The following NDE1 variants were observed in gnomAD, a reference collection of about 807,000 sequenced individuals.
The protein encoded by NDE1 is nudE neurodevelopment protein 1.
In NDE1, 28 loss-of-function variants were observed where a neutral mutation model predicts 43.4. The observed-to-expected ratio is 0.65, with a 90% CI of 0.48 to 0.89. The LOEUF (loss-of-function observed/expected upper bound fraction) is 0.89. NDE1 is among the 40% of genes least tolerant of loss of function. The pLI is 0.00. For missense variants in NDE1, 441 were observed against 434.1 expected, an observed-to-expected ratio of 1.02 and a Z score of -0.14; for synonymous variants, 184 against 172.0, an observed-to-expected ratio of 1.07 and a Z score of -0.55.
chr16:15,671,060 G>T (rs999750634), intron 3 of NDE1, among the ~76,000 whole-genome samples: 1 of 152,098 alleles, frequency 6.6e-6, no homozygotes, highest in South Asian at 2.1e-4. Flanking sequence ...CCCCATGAAC[G>T]TTTTCCAGCA....
chr16:15,695,405 G>A (rs562876689), intron 7 of NDE1: 44 of 742,992 alleles, frequency 5.9e-5, no homozygotes, highest in Non-Finnish European at 7.1e-5. Context: ...CTACTTGAGA[G>A]GCTTATGCAG....
At position 15,691,464 on chromosome 16, in the gene NDE1, TG is replaced by T. The variant is rs1443380622; in HGVS notation, c.703+144del. The T allele has an allele frequency of 5.1e-6, 5 of 974,252 alleles. No homozygotes were observed. The East Asian group carries it at 1.3e-4, about 25-fold the overall frequency. The allele number at this position is 974,252 out of a possible 1,614,324, so 60.4% of individuals were successfully genotyped here. A position where few individuals can be genotyped will look rare whatever the true frequency, so the allele number is the denominator to read the frequency against. ...CTCAGGCTTTGAGCAGAGAGTAGACTGGGATGTTCTTGGGGATGGGCATTGA... is the reference window on the plus strand; with the variant it reads ...CTCAGGCTTTGAGCAGAGAGTAGACTGGATGTTCTTGGGGATGGGCATTGA... On this transcript the variant is annotated intron_variant, in intron 6 of 8. Coordinates refer to ENST00000396354, the MANE Select transcript of NDE1 (RefSeq NM_017668.3).
Position 15,725,870 on chromosome 16 carries a change from G to A in NDE1, c.*1619G>A, listed in dbSNP as rs2040727863. On this transcript the variant is annotated 3_prime_UTR_variant, in exon 9 of 9. Transcript: ENST00000396354. ...CCTCAACAGCTTCACATTGCCCAGA[G>A]TAAGGATCAACATACATGTAATAGG... 1 of 394,100 alleles carries A rather than the reference G, an allele frequency of 2.5e-6. No homozygotes were observed. The allele number at this position is 394,100 out of a possible 1,614,324, so 24.4% of individuals were successfully genotyped here. A position where few individuals can be genotyped will look rare whatever the true frequency, so the allele number is the denominator to read the frequency against.
intron 1 of NDE1, 63 bp from the exon 2 acceptor site, chr16:15,664,671 TTC>T: frequency 1.1e-6 from 1 of 922,384 alleles, no homozygotes. Context: ...TTTTTTTTTT[TTC>T]TGTTAAAGGG....
upstream of NDE1, among the ~76,000 whole-genome samples, chr16:15,647,082 C>T (rs969672487): frequency 1.2e-4 from 19 of 152,188 alleles, no homozygotes; most frequent in Admixed American, 1.2e-3. Context: ...GGGAAGGCAT[C>T]AGACGTAGTA....
intron 8 of NDE1, chr16:15,717,421 C>T: frequency 1.3e-6 from 2 of 1,531,512 alleles, no homozygotes; most frequent in Non-Finnish European, 1.8e-6. Flanking sequence ...CATGCCTCTT[C>T]CTGCCTTGTT....
chr16:15,655,287 G>A (rs899781857), intron 1 of NDE1, among the ~76,000 whole-genome samples: 8 of 152,198 alleles, frequency 5.3e-5, no homozygotes, highest in Non-Finnish European at 1.0e-4. Flanking sequence ...CAAAGTGCTG[G>A]GACTACAGGC....
intron 8 of NDE1, among the ~76,000 whole-genome samples, chr16:15,712,425 G>A (rs1015801259): frequency 6.6e-6 from 1 of 152,086 alleles, no homozygotes; most frequent in Non-Finnish European, 1.5e-5. Context: ...TGAGGCGGGT[G>A]GATCACAAGA....
At chr16:15,681,970 G>C (rs1204581318) in intron 4 of NDE1, among the ~76,000 whole-genome samples, 1 of 152,198 alleles carries the variant, frequency 6.6e-6, no homozygotes, top group African/African-American at 2.4e-5. Context: ...GTCATAGTTA[G>C]AAGGGCCTTG....
chr16:15,674,423 A>AT (rs2037761730), intron 3 of NDE1, among the ~76,000 whole-genome samples: 1 of 151,544 alleles, frequency 6.6e-6, no homozygotes, highest in Admixed American at 6.6e-5. Flanking sequence ...TTTTTTTTGC[A>AT]TTTTTGGTAG....
intron 1 of NDE1, among the ~76,000 whole-genome samples, chr16:15,651,155 G>A (rs376787016): frequency 6.6e-6 from 1 of 152,308 alleles, no homozygotes; most frequent in East Asian, 1.9e-4. Flanking sequence ...GAGGGCCTGA[G>A]CTTCCTTGAT....
chr16:15,725,490 G>T lies in NDE1; in HGVS notation c.*1239G>T. The T allele has an allele frequency of 4.7e-6, 2 of 428,140 alleles. No individual in the cohort carries two copies. Among genetic ancestry groups the T allele is most frequent in the Non-Finnish European group, 8.2e-6 (2 of 243,766 alleles). The allele number at this position is 428,140 out of a possible 1,614,324, so 26.5% of individuals were successfully genotyped here. On this transcript the variant is annotated 3_prime_UTR_variant, in exon 9 of 9. Coordinates refer to ENST00000396354, the MANE Select transcript of NDE1 (RefSeq NM_017668.3). ...CTGATGGCCAAAGCCAGAGACGCAG[G>T]CCCTAAAGGTAAAAACGTCCTCTCT...
chr16:15,674,856 G>A (rs1023689307), intron 3 of NDE1, among the ~76,000 whole-genome samples: 10 of 152,010 alleles, frequency 6.6e-5, no homozygotes, highest in African/African-American at 1.2e-4. Context: ...TACAGGCGAC[G>A]CCACCATGCC....
chr16:15,680,868 C>T (rs1198597581), intron 4 of NDE1, among the ~76,000 whole-genome samples: 1 of 152,026 alleles, frequency 6.6e-6, no homozygotes, highest in East Asian at 1.9e-4. Flanking sequence ...AATCTTTTCT[C>T]CTGCATTGAA....
intron 5 of NDE1, among the ~76,000 whole-genome samples, chr16:15,689,491 C>A (rs2038619911): frequency 1.3e-5 from 2 of 152,098 alleles, no homozygotes; most frequent in Non-Finnish European, 2.9e-5. Flanking sequence ...GACCCTGTCT[C>A]TAAAACAAAA....
intron 3 of NDE1, among the ~76,000 whole-genome samples, chr16:15,675,128 G>A (rs1476934614): frequency 6.6e-6 from 1 of 151,988 alleles, no homozygotes; most frequent in African/African-American, 2.4e-5. Flanking sequence ...AGGTGCTCAA[G>A]GGGCAGGAGG....
chr16:15,717,464 CCCTGTCCTCTCCTTCAT>C, intron 8 of NDE1: 2 of 1,039,896 alleles, frequency 1.9e-6, no homozygotes, highest in South Asian at 2.8e-5. Context: ...ATCCCGGGCA[CCCTGTCCTCTCCTTCAT>C]CCTGTAAAAC....
intron 8 of NDE1, chr16:15,713,242 CATAGAAATGGAAAAAAA>C (rs1389233567): frequency 6.6e-6 from 1 of 151,406 alleles, no homozygotes; most frequent in East Asian, 1.9e-4. Flanking sequence ...GAGGGTTCAG[CATAGAAATGGAAAAAAA>C]ATAGAAGTGT....
chr16:15,679,202 T>G (rs909018269), intron 4 of NDE1, among the ~76,000 whole-genome samples: 1 of 152,106 alleles, frequency 6.6e-6, no homozygotes. Flanking sequence ...GCCACCATAG[T>G]GCATTGCAGC....
Sources: allele counts gnomAD v4.1 joint callset (sites outside exome capture counted in the v4.1 genomes callset), GRCh38; gene constraint gnomAD v4.1.1; transcripts MANE v1.5; gene names NCBI Gene and HGNC (gene_info 2026-07-23, HGNC 2026-07-21).